Variants in DOCK8 observed in about 807,000 individuals in gnomAD.
The protein encoded by DOCK8 is dedicator of cytokinesis 8.
DOCK8 carries 141 observed loss-of-function variants against 245.6 expected under a neutral mutation model. The ratio of observed to expected loss-of-function variants is 0.57; its 90% CI spans 0.50 to 0.66. The LOEUF is 0.66. Ranked by LOEUF, DOCK8 falls within the 30% of genes least tolerant of loss-of-function variation. DOCK8 has a pLI of 0.00. For synonymous variants in DOCK8, 1,168 were observed against 970.2 expected, an observed-to-expected ratio of 1.20 and a Z score of -3.79; for missense variants, 2,965 against 2,603.4, an observed-to-expected ratio of 1.14 and a Z score of -3.02.
intron 26 of DOCK8, among the ~76,000 whole-genome samples, chr9:403,917 CATATATATATATGTGTATATATA>C (rs2055253972): frequency 1.5e-5 from 1 of 65,134 alleles, no homozygotes; most frequent in African/African-American, 8.1e-5. Flanking sequence ...TATATATATA[CATATATATATATGTGTATATATA>C]TATGTGTATA....
intron 4 of DOCK8, among the ~76,000 whole-genome samples, chr9:301,327 TG>T (rs2049534692): frequency 2.0e-5 from 3 of 152,186 alleles, no homozygotes; most frequent in African/African-American, 7.2e-5. Context: ...AATTAGGCAT[TG>T]AAAGAACATA....
chr9:341,072 C>G (rs2051564119), intron 14 of DOCK8, among the ~76,000 whole-genome samples: 1 of 152,184 alleles, frequency 6.6e-6, no homozygotes, highest in South Asian at 2.1e-4. Context: ...GCATTTACAG[C>G]AATAACAGAA....
At chr9:332,551 T>TAA in intron 10 of DOCK8, 73 bp downstream of exon 10, 1 of 1,039,308 alleles carries the variant, frequency 9.6e-7, no homozygotes, top group South Asian at 1.3e-5. Flanking sequence ...GTTACACAAA[T>TAA]AGTTAATGGG....
chr9:288,011 C>T (rs1351537452), intron 3 of DOCK8, among the ~76,000 whole-genome samples: 1 of 147,014 alleles, frequency 6.8e-6, no homozygotes, highest in Admixed American at 6.8e-5. Flanking sequence ...CTGTTTCTTA[C>T]AAAACAAAAA....
chr9:423,952 C>T (rs983781103), intron 33 of DOCK8, among the ~76,000 whole-genome samples: 5 of 152,238 alleles, frequency 3.3e-5, no homozygotes, highest in Admixed American at 6.5e-5. Flanking sequence ...GTCCTTACCA[C>T]GCATGGCCTA....
chr9:364,722 C>G (rs1028429171), intron 14 of DOCK8, among the ~76,000 whole-genome samples: 5 of 150,706 alleles, frequency 3.3e-5, no homozygotes, highest in Non-Finnish European at 7.4e-5. Flanking sequence ...CGGTGATCTT[C>G]CTTGGAGCAA....
rs754614523 is a variant in DOCK8, at chr9:317,174, C to G, written c.827+46C>G. On this transcript the variant is annotated intron_variant, in intron 7 of 47. Coordinates refer to ENST00000432829, the MANE Select transcript of DOCK8 (RefSeq NM_203447.4). ...TGCCACCGCTTTGAGATTTATCTTG[C>G]CTTTTACATACAAATGTTGTGTTTA... The G allele has an allele frequency of 2.9e-6, 4 of 1,396,832 alleles. No homozygotes were observed. In the East Asian group the frequency reaches 9.2e-5, roughly 32 times the overall value. 86.5% of individuals were successfully genotyped at this position (1,396,832 alleles called of 1,614,324 possible).
In DOCK8 at chr9:279,367, A is replaced by T. The variant is rs751982021; in HGVS notation, c.157-7094A>T. 1.4e-4 allele frequency among the ~76,000 whole-genome samples: 21 copies of T among 152,246 alleles called. 2 individuals carry two copies. Among genetic ancestry groups the T allele is most frequent in the Non-Finnish European group, 1.5e-5 (1 of 68,044 alleles). On this transcript the variant is annotated intron_variant, in intron 2 of 47. Coordinates refer to ENST00000432829, the MANE Select transcript of DOCK8 (RefSeq NM_203447.4). ...GTTGAGGCTGCAGATATAAACTTGT[A>T]ATTTTAAAAATGTATATTTAAAGCC...
intron 1 of DOCK8, among the ~76,000 whole-genome samples, chr9:264,073 T>A (rs1220747774): frequency 6.6e-6 from 1 of 152,252 alleles, no homozygotes; most frequent in Non-Finnish European, 1.5e-5. Flanking sequence ...AGGTTACATC[T>A]GTTACTTTAT....
At chr9:361,595 C>G (rs2052733301) in intron 14 of DOCK8, among the ~76,000 whole-genome samples, 1 of 152,162 alleles carries the variant, frequency 6.6e-6, no homozygotes, top group Non-Finnish European at 1.5e-5. Context: ...ATTATCTAAT[C>G]ACAAGTCTCC....
intron 28 of DOCK8, among the ~76,000 whole-genome samples, chr9:408,739 C>G (rs1185523123): frequency 6.6e-6 from 1 of 152,196 alleles, no homozygotes. Context: ...TAGCTGGAAA[C>G]AGCCATGACA....
At chr9:336,469 C>T in intron 11 of DOCK8, 113 bp from the exon 12 acceptor site, 2 of 1,396,416 alleles carry the variant, frequency 1.4e-6, no homozygotes, top group Non-Finnish European at 1.0e-6. Flanking sequence ...ACAAGGATGG[C>T]CATATTCAGT....
chr9:382,289 G>A (rs2053751338), intron 21 of DOCK8, among the ~76,000 whole-genome samples: 1 of 152,094 alleles, frequency 6.6e-6, no homozygotes, highest in Non-Finnish European at 1.5e-5. Flanking sequence ...GGCATGTGTT[G>A]GCTGTTTACC....
intron 1 of DOCK8, among the ~76,000 whole-genome samples, chr9:227,931 G>C (rs1364965894): frequency 6.6e-6 from 1 of 152,056 alleles, no homozygotes; most frequent in Non-Finnish European, 1.5e-5. Flanking sequence ...TAGGAGGGTA[G>C]TTACAAAGAT....
chr9:370,026 C>G, intron 15 of DOCK8: 1 of 610,514 alleles, frequency 1.6e-6, no homozygotes, highest in Admixed American at 2.6e-5. Flanking sequence ...TGGTCTCCAA[C>G]TCCTGGGCTC....
intron 41 of DOCK8, 37 bp downstream of exon 41, chr9:441,454 G>T (rs1420953522): frequency 1.2e-6 from 2 of 1,613,544 alleles, no homozygotes; most frequent in African/African-American, 2.7e-5. Flanking sequence ...CTTGTTACCT[G>T]GTGGCAGGCG....
intron 1 of DOCK8, among the ~76,000 whole-genome samples, chr9:250,959 G>A (rs928373406): frequency 2.9e-4 from 44 of 152,304 alleles, no homozygotes; most frequent in Middle Eastern, 3.4e-3. Flanking sequence ...GGGAGAGAAT[G>A]AGCTTGAGGA....
intron 1 of DOCK8, among the ~76,000 whole-genome samples, chr9:250,042 C>G (rs1234404811): frequency 6.6e-6 from 1 of 152,146 alleles, no homozygotes; most frequent in Admixed American, 6.5e-5. Flanking sequence ...CTTTATAGCA[C>G]AGGCTTTGGC....
intron 28 of DOCK8, among the ~76,000 whole-genome samples, chr9:412,600 T>C (rs2055792631): frequency 6.6e-6 from 1 of 152,106 alleles, no homozygotes; most frequent in Non-Finnish European, 1.5e-5. Flanking sequence ...AAGAATCAAT[T>C]GTGTTTCTAT....
Sources: allele counts gnomAD v4.1 joint callset (sites outside exome capture counted in the v4.1 genomes callset), GRCh38; gene constraint gnomAD v4.1.1; transcripts MANE v1.5; gene names NCBI Gene and HGNC (gene_info 2026-07-23, HGNC 2026-07-21).